BLK: variants seen among roughly 807,000 people sequenced by gnomAD.
The protein encoded by BLK is BLK proto-oncogene, Src family tyrosine kinase.
In BLK, 64 loss-of-function variants were observed where a neutral mutation model predicts 61.8. That is an observed-to-expected ratio of 1.03 (90% CI 0.85 to 1.27). The LOEUF is 1.27. Ranked by LOEUF, BLK falls within the 50% of genes most tolerant of loss-of-function variation. The probability of loss-of-function intolerance (pLI) is 0.00; values close to 1 mark genes in which losing one functional copy is unlikely to be tolerated. For synonymous variants in BLK, 351 were observed against 272.0 expected (o/e 1.29, Z -2.86); for missense variants, 853 against 660.5 (o/e 1.29, Z -3.19).
chr8:11,546,007 C>G (rs754908449), intron 2 of BLK, 45 bp from the exon 3 acceptor site: 3 of 1,602,220 alleles, frequency 1.9e-6, no homozygotes, highest in South Asian at 2.2e-5. Context: ...GCCCCACCCA[C>G]GCAGCAGGGA....
intron 1 of BLK, among the ~76,000 whole-genome samples, chr8:11,516,277 TA>T (rs1423376643): frequency 1.3e-5 from 2 of 152,290 alleles, no homozygotes; most frequent in East Asian, 3.9e-4. Context: ...ACAGCCACAG[TA>T]ACAAAGAACA....
chr8:11,548,807 G>C (rs986656933), intron 4 of BLK, among the ~76,000 whole-genome samples: 1 of 152,224 alleles, frequency 6.6e-6, no homozygotes, highest in Non-Finnish European at 1.5e-5. Flanking sequence ...CTCTTGGCTG[G>C]TCAGGCTGTG....
chr8:11,508,473 C>A (rs758945910), intron 1 of BLK, among the ~76,000 whole-genome samples: 16 of 152,202 alleles, frequency 1.1e-4, no homozygotes, highest in Non-Finnish European at 1.9e-4. Context: ...ATGTGTGGGA[C>A]CTTCCTTGGC....
In BLK at chr8:11,564,419, G is replaced by GGCCCCCGTGCTGGGCA. The variant is rs1801634605; in HGVS notation, c.*312_*327dup. On this transcript the variant is annotated 3_prime_UTR_variant, in exon 13 of 13. Transcript: ENST00000259089. ...CTGGTAAGCGACTGTCATCAAGTAAGGCCCCCGTGCTGGGCACCCCCCGTG... is the reference window on the plus strand; with the variant it reads ...CTGGTAAGCGACTGTCATCAAGTAAGGCCCCCGTGCTGGGCAGCCCCCGTGCTGGGCACCCCCCGTG... 1.7e-6 allele frequency: 1 copy of GGCCCCCGTGCTGGGCA among 605,580 alleles called. No homozygotes were observed. Among genetic ancestry groups the GGCCCCCGTGCTGGGCA allele is most frequent in the Non-Finnish European group, 3.1e-6 (1 of 322,532 alleles). The allele number at this position is 605,580 out of a possible 1,614,324, so 37.5% of individuals were successfully genotyped here.
intron 1 of BLK, among the ~76,000 whole-genome samples, chr8:11,503,694 T>C (rs1484616530): frequency 6.6e-6 from 1 of 152,122 alleles, no homozygotes; most frequent in Non-Finnish European, 1.5e-5. Context: ...AGACACCTGC[T>C]CTCTTGGTCA....
chr8:11,528,989 A>G (rs1209014678), intron 1 of BLK, among the ~76,000 whole-genome samples: 2 of 152,138 alleles, frequency 1.3e-5, no homozygotes, highest in Non-Finnish European at 2.9e-5. Context: ...TAGCTAATGG[A>G]TGCTGGACCG....
At position 11,563,745 on chromosome 8, in the gene BLK, C is replaced by T. The variant is rs62490890; in HGVS notation, c.1313-158C>T. 0.1 allele frequency among the ~76,000 whole-genome samples: 15,966 copies of T among 152,304 alleles called. 1,018 individuals are homozygous for T. The highest frequency in any genetic ancestry group is 0.14 in the Non-Finnish European group (9,216 of 68,026). The stretch of plus-strand genomic sequence containing the variant: ...AGTAAATAAAGGGCTGTTTAGAGAC[C>T]GGGCAGCCAGGCAACGCACGAGGCT... On this transcript the variant is annotated intron_variant, in intron 12 of 12. Transcript: ENST00000259089.
At chr8:11,550,306 C>A (rs371553190) in intron 6 of BLK, 44 bp downstream of exon 6, 3 of 1,582,678 alleles carry the variant, frequency 1.9e-6, no homozygotes, top group East Asian at 2.2e-5. Context: ...CTGCTCCTCC[C>A]GGGAAGGCGC....
At chr8:11,531,511 G>A (rs1270795083) in intron 1 of BLK, among the ~76,000 whole-genome samples, 1 of 152,112 alleles carries the variant, frequency 6.6e-6, no homozygotes, top group Non-Finnish European at 1.5e-5. Context: ...CAGCTTTTAA[G>A]ATTGTTTTTA....
At chr8:11,536,403 A>AT (rs1800135206) in intron 1 of BLK, among the ~76,000 whole-genome samples, 1 of 152,068 alleles carries the variant, frequency 6.6e-6, no homozygotes, top group Admixed American at 6.6e-5. Context: ...TATTTTATTT[A>AT]TTTTTTTGAG....
Position 11,564,466 on chromosome 8 carries a change from C to A in BLK, c.*358C>A, listed in dbSNP as rs1455365640. 7 of 542,032 alleles carry A rather than the reference C, an allele frequency of 1.3e-5. No homozygotes were observed. The highest frequency in any genetic ancestry group is 6.1e-5 in the South Asian group (4 of 65,264). 33.6% of individuals were successfully genotyped at this position (542,032 alleles called of 1,614,324 possible). On this transcript the variant is annotated 3_prime_UTR_variant, in exon 13 of 13. Transcript: ENST00000259089. ...CGTGCTGGCCGCGTCCCCGCCTCTG[C>A]GCCCTGCGTGGACCCCGCCCTGCCC...
chr8:11,559,487 A>T (rs1479316100), intron 10 of BLK, among the ~76,000 whole-genome samples: 2 of 148,144 alleles, frequency 1.4e-5, no homozygotes, highest in East Asian at 3.9e-4. Context: ...TCACACAAAC[A>T]CATTTACACA....
intron 1 of BLK, among the ~76,000 whole-genome samples, chr8:11,521,991 T>C (rs2117335511): frequency 6.6e-6 from 1 of 152,340 alleles, no homozygotes; most frequent in South Asian, 2.1e-4. Context: ...GGAAACACAT[T>C]TGATTTTTAA....
At position 11,557,999 on chromosome 8, in the gene BLK, C is replaced by A. The variant is rs377070824; in HGVS notation, c.990C>A (p.Ser330Arg). 4 of 1,613,926 alleles carry A rather than the reference C, an allele frequency of 2.5e-6. No individual in the cohort carries two copies. The highest frequency in any genetic ancestry group is 3.4e-6 in the Non-Finnish European group (4 of 1,179,928). The change falls in exon 10 of 13, where the codon AGC becomes AGA. Residue 330 changes from serine to arginine, a missense_variant. Coordinates refer to ENST00000259089, the MANE Select transcript of BLK (RefSeq NM_001715.3). ...ATTTCCTGAAGACAGATGAAGGGAG[C>A]AGATTGTCACTCCCAAGGCTGATTG... ...LLDFLKTDEG[S>R]RLSLPRLIDM... is the part of the protein sequence containing the mutation.
intron 1 of BLK, among the ~76,000 whole-genome samples, chr8:11,496,113 C>A (rs977386334): frequency 6.6e-6 from 1 of 152,196 alleles, no homozygotes; most frequent in Non-Finnish European, 1.5e-5. Context: ...ATCCATCATT[C>A]TCTCTCCCAA....
chr8:11,520,476 CAAAAAAAAAAAAAA>C (rs71203393), intron 1 of BLK, among the ~76,000 whole-genome samples: 2 of 69,682 alleles, frequency 2.9e-5, no homozygotes, highest in African/African-American at 1.0e-4. Context: ...GACCTTGTCT[CAAAAAAAAAAAAAA>C]AAAAAAAAAA....
intron 1 of BLK, among the ~76,000 whole-genome samples, chr8:11,507,603 C>G (rs886230702): frequency 1.3e-5 from 2 of 152,208 alleles, no homozygotes; most frequent in African/African-American, 4.8e-5. Flanking sequence ...TGGCCAAGCA[C>G]TTGGAATTTA....
intron 1 of BLK, among the ~76,000 whole-genome samples, chr8:11,512,732 C>G (rs534272840): frequency 6.6e-6 from 1 of 152,144 alleles, no homozygotes; most frequent in Non-Finnish European, 1.5e-5. Flanking sequence ...GGCACAATCT[C>G]GGCTCACCGC....
At chr8:11,554,583 G>C (rs145028083) in intron 6 of BLK, among the ~76,000 whole-genome samples, 160 bp from the exon 7 acceptor site, 5 of 152,340 alleles carry the variant, frequency 3.3e-5, no homozygotes, top group Non-Finnish European at 7.4e-5. Context: ...CAAAAGCATG[G>C]AGGTTGAGAT....
Sources: allele counts gnomAD v4.1 joint callset (sites outside exome capture counted in the v4.1 genomes callset), GRCh38; gene constraint gnomAD v4.1.1; transcripts MANE v1.5; gene names NCBI Gene and HGNC (gene_info 2026-07-23, HGNC 2026-07-21).